CAGE1: variants seen among roughly 807,000 people sequenced by gnomAD.
The protein encoded by CAGE1 is cancer antigen 1.
In CAGE1, 66 loss-of-function variants were observed where a neutral mutation model predicts 94.9. The observed-to-expected ratio is 0.70, with a 90% CI of 0.57 to 0.85. The LOEUF is 0.85. Among genes scored for constraint, CAGE1 ranks in the 40% least tolerant of loss-of-function variants. The pLI, the probability that CAGE1 is intolerant of heterozygous loss-of-function variation, is 0.00. For synonymous variants in CAGE1, 319 were observed against 321.0 expected (o/e 0.99, Z 0.07); for missense variants, 865 against 950.4 (o/e 0.91, Z 1.18).
intron 11 of CAGE1, among the ~76,000 whole-genome samples, chr6:7,340,049 G>C (rs898134633): frequency 3.1e-4 from 47 of 152,178 alleles, no homozygotes; most frequent in African/African-American, 1.1e-3. Context: ...GTGTAGAAGT[G>C]TTCCCTTTTT....
rs555307191 is a variant in CAGE1 at position 7,348,499 on chromosome 6, A to G, written c.2369+6542T>C. ...GAAAACCAACTCTGGTAATATGACAAAACAAGGCTCTTTAACATCCCCCAA... is the reference window on the plus strand; with the variant it reads ...GAAAACCAACTCTGGTAATATGACAGAACAAGGCTCTTTAACATCCCCCAA... On this transcript the variant is annotated intron_variant, in intron 11 of 13. Coordinates refer to ENST00000502583, the MANE Select transcript of CAGE1 (RefSeq NM_001170692.2). 2.6e-4 allele frequency among the ~76,000 whole-genome samples: 40 copies of G among 152,318 alleles called. 1 individual carries two copies. The highest frequency in any genetic ancestry group is 8.7e-4 in the African/African-American group (36 of 41,570).
chr6:7,333,638 C>CTATATATATA (rs1257307194), intron 12 of CAGE1, among the ~76,000 whole-genome samples: 52 of 32,660 alleles, frequency 1.6e-3, no homozygotes, highest in Non-Finnish European at 2.5e-3. Context: ...ATCTATCTAA[C>CTATATATATA]TATCTATATA....
intron 11 of CAGE1, among the ~76,000 whole-genome samples, chr6:7,347,633 A>G (rs551164405): frequency 6.6e-6 from 1 of 152,204 alleles, no homozygotes; most frequent in Non-Finnish European, 1.5e-5. Flanking sequence ...GAGGGAAAAT[A>G]ACCAAAGCCC....
intron 9 of CAGE1, among the ~76,000 whole-genome samples, chr6:7,360,382 G>C (rs982427440): frequency 6.6e-6 from 1 of 152,118 alleles, no homozygotes; most frequent in Non-Finnish European, 1.5e-5. Flanking sequence ...TGAAGCCAGG[G>C]TATTTAGCTC....
chr6:7,352,252 G>A (rs1368342965), intron 11 of CAGE1, among the ~76,000 whole-genome samples: 3 of 97,106 alleles, frequency 3.1e-5, no homozygotes, highest in Non-Finnish European at 4.1e-5. Context: ...ACCAAGTGGA[G>A]AATCAAATCA....
At chr6:7,354,285 C>G (rs1759879417) in intron 11 of CAGE1, among the ~76,000 whole-genome samples, 1 of 152,050 alleles carries the variant, frequency 6.6e-6, no homozygotes, top group Non-Finnish European at 1.5e-5. Flanking sequence ...CCTGAGTATA[C>G]AACATCCTCT....
intron 11 of CAGE1, among the ~76,000 whole-genome samples, chr6:7,345,542 A>G (rs140252034): frequency 6.6e-6 from 1 of 152,320 alleles, no homozygotes; most frequent in African/African-American, 2.4e-5. Flanking sequence ...GTAAGCTATC[A>G]CCAAGTAGTT....
At chr6:7,337,308 C>T (rs1758988866) in intron 11 of CAGE1, among the ~76,000 whole-genome samples, 1 of 118,650 alleles carries the variant, frequency 8.4e-6, no homozygotes, top group South Asian at 2.6e-4. Flanking sequence ...GCCTGGGTGA[C>T]AGAGTGAGAC....
rs911675857 is a variant in CAGE1, at chr6:7,341,529, G to T, written c.2370-7439C>A. 6.5e-6 allele frequency: 8 copies of T among 1,229,810 alleles called. 1 individual carries two copies. In the African/African-American group the frequency reaches 1.0e-4, roughly 16 times the overall value. 76.2% of individuals were successfully genotyped at this position (1,229,810 alleles called of 1,614,324 possible). ...AGATGTCACCCAGAAGATTCTGAGG[G>T]TTGATTAGCACAAGGCCTCGGACCT... is the stretch of plus-strand genomic sequence containing the variant. On this transcript the variant is annotated intron_variant, in intron 11 of 13. Transcript: ENST00000502583.
Position 7,326,771 on chromosome 6 carries a change from G to A in CAGE1, c.*87C>T. 1 of 903,696 alleles carries A rather than the reference G, an allele frequency of 1.1e-6. No homozygotes were observed. The highest frequency in any genetic ancestry group is 2.4e-5 in the East Asian group (1 of 41,382). 56.0% of individuals were successfully genotyped at this position (903,696 alleles called of 1,614,324 possible). On this transcript the variant is annotated 3_prime_UTR_variant, in exon 14 of 14. Transcript: ENST00000502583. Reference sequence around the variant, plus strand: ...TTATACAGATTTTAATATATCATCTGCATGGATTGATTTGGCTAGCATATG... The same window carrying A: ...TTATACAGATTTTAATATATCATCTACATGGATTGATTTGGCTAGCATATG...
At chr6:7,382,521 T>C (rs1337774941) in intron 3 of CAGE1, among the ~76,000 whole-genome samples, 5 of 150,962 alleles carry the variant, frequency 3.3e-5, no homozygotes, top group Non-Finnish European at 7.4e-5. Context: ...CAGGCTGGGT[T>C]TGAACTCCTG....
intron 7 of CAGE1, 133 bp from the exon 8 acceptor site, chr6:7,366,017 G>T (rs974354441): frequency 3.9e-5 from 22 of 558,304 alleles, no homozygotes; most frequent in Admixed American, 7.0e-5. Context: ...ATGCTGAGGC[G>T]GGTGGATCAC....
At chr6:7,341,550 G>T (rs180816018) in intron 11 of CAGE1, 2 of 1,229,400 alleles carry the variant, frequency 1.6e-6, no homozygotes, top group East Asian at 4.8e-5. Context: ...CAAGGCCTCG[G>T]ACCTTTTTCC....
intron 13 of CAGE1, among the ~76,000 whole-genome samples, chr6:7,329,528 A>T (rs1416591859): frequency 6.6e-6 from 1 of 152,152 alleles, no homozygotes; most frequent in East Asian, 1.9e-4. Context: ...TACTCTATGG[A>T]GGATGGCATG....
intron 11 of CAGE1, among the ~76,000 whole-genome samples, chr6:7,334,709 G>A (rs1406270574): frequency 8.7e-6 from 1 of 114,290 alleles, no homozygotes; most frequent in Non-Finnish European, 1.6e-5. Flanking sequence ...GCCTGGGACA[G>A]AGCTAGACTC....
intron 10 of CAGE1, 115 bp downstream of exon 10, chr6:7,355,910 A>C (rs988536023): frequency 1.6e-5 from 10 of 615,274 alleles, no homozygotes; most frequent in South Asian, 6.0e-5. Context: ...GACTGAGGCA[A>C]GGAGGCTTGC....
chr6:7,373,119 T>C lies in CAGE1; in HGVS notation c.1700A>G (p.Gln567Arg). ...GACTTCCTCTAATTGATCCTTTAAC[T>C]GAGCTGTCTCAAATTTAGGGACATA... ...QNYVPKFETAQLKDQLEEVLK... is the reference protein window; with the variant it reads ...QNYVPKFETARLKDQLEEVLK... Residue 567 changes from glutamine (Q) to arginine (R), a missense_variant, in exon 5 of 14, where the codon CAG becomes CGG. By Grantham distance (43) the Gln-to-Arg change is conservative. Transcript: ENST00000502583. 1 of 1,612,576 alleles carries C rather than the reference T, an allele frequency of 6.2e-7. No homozygotes were observed. The highest frequency in any genetic ancestry group is 8.5e-7 in the Non-Finnish European group (1 of 1,179,328).
chr6:7,366,900 A>G (rs1456033387), intron 7 of CAGE1, among the ~76,000 whole-genome samples: 1 of 152,068 alleles, frequency 6.6e-6, no homozygotes, highest in Non-Finnish European at 1.5e-5. Flanking sequence ...ATTTTTCCTT[A>G]AAGAAAAAAA....
At chr6:7,333,642 CTA>C (rs773887819) in intron 12 of CAGE1, among the ~76,000 whole-genome samples, 12,119 of 120,686 alleles carry the variant, frequency 0.1, 577 homozygotes, top group Admixed American at 0.16. Context: ...ATCTAACTAT[CTA>C]TATATATATA....
Sources: allele counts gnomAD v4.1 joint callset (sites outside exome capture counted in the v4.1 genomes callset), GRCh38; gene constraint gnomAD v4.1.1; transcripts MANE v1.5; gene names NCBI Gene and HGNC (gene_info 2026-07-23, HGNC 2026-07-21).